RIMKLB: variants seen among roughly 807,000 people sequenced by gnomAD.
RIMKLB encodes ribosomal modification protein rimK like family member B.
RIMKLB carries 7 observed loss-of-function variants against 32.0 expected under a neutral mutation model. That is an observed-to-expected ratio of 0.22 (90% CI 0.12 to 0.41). The LOEUF (loss-of-function observed/expected upper bound fraction) is 0.41, where lower values mean the gene tolerates loss of function less well. Ranked by LOEUF, RIMKLB falls within the 10% of genes least tolerant of loss-of-function variation. The pLI, the probability that RIMKLB is intolerant of heterozygous loss-of-function variation, is 1.00. For synonymous variants in RIMKLB, 172 were observed against 185.1 expected (o/e 0.93, Z 0.57); for missense variants, 289 against 498.7 (o/e 0.58, Z 4.00).
exon 8 of RIMKLB, chr12:8,782,912 G>A (rs1010840706): frequency 6.6e-6 from 1 of 152,004 alleles, no homozygotes; most frequent in African/African-American, 2.4e-5. Context: ...TCCCCCCTAG[G>A]TTCTTTTGAA....
chr12:8,718,667 ATATGTGTG>A (rs1175447290), intron 2 of RIMKLB, among the ~76,000 whole-genome samples: 16,829 of 132,412 alleles, frequency 0.13, 1,225 homozygotes, highest in Non-Finnish European at 0.18. Flanking sequence ...ATATATATAT[ATATGTGTG>A]TGTGTGTGTG....
chr12:8,767,558 G>A (rs1163681168), intron 5 of RIMKLB, among the ~76,000 whole-genome samples: 1 of 152,174 alleles, frequency 6.6e-6, no homozygotes, highest in Non-Finnish European at 1.5e-5. Context: ...TCGTGGTCGG[G>A]ACCCAGAAGC....
chr12:8,717,220 T>G (rs1304180721), intron 2 of RIMKLB, among the ~76,000 whole-genome samples: 1 of 152,118 alleles, frequency 6.6e-6, no homozygotes, highest in Non-Finnish European at 1.5e-5. Context: ...GTTCTAAAAT[T>G]GTGGCTATTT....
chr12:8,699,919 C>A (rs1396069834), intron 1 of RIMKLB: 1 of 152,216 alleles, frequency 6.6e-6, no homozygotes, highest in African/African-American at 2.4e-5. Flanking sequence ...GCCTTGCCCC[C>A]CCGCAGGGGG....
At chr12:8,706,502 G>A (rs1047841693) in intron 1 of RIMKLB, among the ~76,000 whole-genome samples, 3 of 149,688 alleles carry the variant, frequency 2.0e-5, no homozygotes, top group Non-Finnish European at 3.0e-5. Flanking sequence ...CCAGGCTGGA[G>A]TGCAATGGCA....
chr12:8,719,615 C>A (rs901768481), intron 2 of RIMKLB, among the ~76,000 whole-genome samples: 8 of 152,054 alleles, frequency 5.3e-5, no homozygotes, highest in Non-Finnish European at 1.2e-4. Context: ...GTGATCCGCC[C>A]GCCTCGGCCT....
At chr12:8,769,252 T>C (rs184484388) in intron 5 of RIMKLB, among the ~76,000 whole-genome samples, 5 of 152,264 alleles carry the variant, frequency 3.3e-5, no homozygotes, top group Admixed American at 2.6e-4. Context: ...ACTAATGTTG[T>C]CAGAGAATGT....
chr12:8,680,242 G>A (rs1214565664), upstream of RIMKLB, among the ~76,000 whole-genome samples: 3 of 152,050 alleles, frequency 2.0e-5, no homozygotes, highest in East Asian at 1.9e-4. Flanking sequence ...TGCAAGTTCC[G>A]CCTCCCAGGC....
chr12:8,771,614 T>G (rs1241380839), intron 5 of RIMKLB, among the ~76,000 whole-genome samples: 1 of 152,242 alleles, frequency 6.6e-6, no homozygotes. Context: ...TGTTGCAGTT[T>G]AATGTCCAAA....
At chr12:8,781,994 T>TA (rs1234706003), downstream of RIMKLB, among the ~76,000 whole-genome samples, 1 of 151,734 alleles carries the variant, frequency 6.6e-6, no homozygotes, top group East Asian at 1.9e-4. Context: ...ATATGGTTCT[T>TA]ATCTTATTTC....
At chr12:8,722,691 A>G (rs376902205) in intron 2 of RIMKLB, among the ~76,000 whole-genome samples, 11 of 152,352 alleles carry the variant, frequency 7.2e-5, no homozygotes, top group East Asian at 5.8e-4. Context: ...TGTTTTGTCT[A>G]CATTGAAAAT....
intron 2 of RIMKLB, among the ~76,000 whole-genome samples, chr12:8,736,517 C>CTTTTTTTTTT (rs1157484475): frequency 3.9e-5 from 5 of 126,774 alleles, no homozygotes; most frequent in African/African-American, 1.5e-4. Context: ...CATGTATTTC[C>CTTTTTTTTTT]TTTTTTTTTT....
intron 2 of RIMKLB, among the ~76,000 whole-genome samples, chr12:8,745,397 G>A (rs16917739): frequency 0.072 from 10,909 of 151,182 alleles, 1,463 homozygotes; most frequent in African/African-American, 0.25. Context: ...GCTGATTCCC[G>A]TAAATTTTTT....
At chr12:8,772,807 C>G (rs374820077) in intron 5 of RIMKLB, among the ~76,000 whole-genome samples, 1 of 152,180 alleles carries the variant, frequency 6.6e-6, no homozygotes, top group East Asian at 1.9e-4. Flanking sequence ...CTCTTCCTTC[C>G]TTTTGGCAAG....
upstream of RIMKLB, among the ~76,000 whole-genome samples, chr12:8,693,940 T>C (rs1235091489): frequency 6.6e-6 from 1 of 152,090 alleles, no homozygotes; most frequent in Non-Finnish European, 1.5e-5. Flanking sequence ...ATTCTATTTA[T>C]TTTTTAAAAA....
At position 8,682,498 on chromosome 12, in the gene RIMKLB, T is replaced by C. The variant is rs117918565; in HGVS notation, n.219+680T>C. Among the ~76,000 whole-genome samples, 1,033 of 151,936 alleles carry C rather than the reference T, an allele frequency of 6.8e-3. 3 individuals are homozygous for C. The highest frequency in any genetic ancestry group is 0.011 in the Non-Finnish European group (743 of 67,948). On this transcript the variant is annotated intron_variant and non_coding_transcript_variant, in intron 1 of 1. Transcript: ENST00000538758. The stretch of plus-strand genomic sequence containing the variant: ...AAGAATTTACTGGGAAATGGCCGGG[T>C]GCGGTGGCTCACGCCTGTAATCCCA...
the RIMKLB span, among the ~76,000 whole-genome samples, chr12:8,674,486 G>A: frequency 6.6e-6 from 1 of 151,392 alleles, no homozygotes. Flanking sequence ...TGATCCGCCT[G>A]CCTCGGCCTC....
chr12:8,708,283 A>G (rs2136855751), intron 1 of RIMKLB, among the ~76,000 whole-genome samples: 1 of 152,204 alleles, frequency 6.6e-6, no homozygotes, highest in South Asian at 2.1e-4. Context: ...ATATCTTCAG[A>G]TGGTAGATTG....
At chr12:8,720,719 T>C (rs1183660356) in intron 2 of RIMKLB, among the ~76,000 whole-genome samples, 1 of 152,166 alleles carries the variant, frequency 6.6e-6, no homozygotes, top group Non-Finnish European at 1.5e-5. Flanking sequence ...TTTGCATTTT[T>C]GGTAGAGATG....
Sources: gnomAD v4.1 joint callset for allele counts (sites outside exome capture counted in the v4.1 genomes callset) on GRCh38, gnomAD v4.1.1 for gene constraint, MANE v1.5 for transcripts, NCBI Gene and HGNC (gene_info 2026-07-23, HGNC 2026-07-21) for gene names.